Variants in CEP192 observed in about 807,000 individuals in gnomAD.
The protein encoded by CEP192 is centrosomal protein of 192 kDa.
In CEP192, 151 loss-of-function variants were observed where a neutral mutation model predicts 271.8. The observed-to-expected ratio is 0.56, with a 90% CI of 0.49 to 0.64. CEP192 has a LOEUF of 0.64. Ranked by LOEUF, CEP192 falls within the 30% of genes least tolerant of loss-of-function variation. The pLI, the probability that CEP192 is intolerant of heterozygous loss-of-function variation, is 0.00. For synonymous variants in CEP192, 995 were observed against 1,076.5 expected, an observed-to-expected ratio of 0.92 and a Z score of 1.48; for missense variants, 2,910 against 3,020.5, an observed-to-expected ratio of 0.96 and a Z score of 0.86.
chr18:13,023,246 G>A (rs1444663398), intron 9 of CEP192, among the ~76,000 whole-genome samples: 2 of 151,280 alleles, frequency 1.3e-5, no homozygotes, highest in Admixed American at 6.6e-5. Context: ...TTTCCTTTTC[G>A]TGTCTTAATT....
chr18:13,064,153 C>G (rs2037561254), intron 21 of CEP192, among the ~76,000 whole-genome samples: 1 of 151,840 alleles, frequency 6.6e-6, no homozygotes, highest in South Asian at 2.1e-4. Context: ...ATAGTTTGAG[C>G]TGTTAGGTTT....
intron 40 of CEP192, among the ~76,000 whole-genome samples, chr18:13,107,607 TA>T (rs1448067092): frequency 5.9e-5 from 9 of 152,208 alleles, no homozygotes; most frequent in African/African-American, 2.2e-4. Flanking sequence ...AATAAGTACC[TA>T]AATTAATCTC....
intron 44 of CEP192, among the ~76,000 whole-genome samples, chr18:13,121,881 T>C (rs138444348): frequency 6.6e-6 from 1 of 152,360 alleles, no homozygotes; most frequent in East Asian, 1.9e-4. Context: ...CTGCAGTGAC[T>C]TCTCACCCAT....
intron 30 of CEP192, among the ~76,000 whole-genome samples, chr18:13,073,467 T>A (rs2038117681): frequency 6.6e-6 from 1 of 152,250 alleles, no homozygotes; most frequent in African/African-American, 2.4e-5. Context: ...AACACATCTT[T>A]GGGTAAATCC....
chr18:13,081,226 T>C (rs2038589530), intron 30 of CEP192, among the ~76,000 whole-genome samples: 1 of 152,246 alleles, frequency 6.6e-6, no homozygotes, highest in African/African-American at 2.4e-5. Flanking sequence ...TACCAGCTCC[T>C]CTTTGTACCT....
intron 2 of CEP192, chr18:13,000,392 A>C (rs2033567008): frequency 6.6e-6 from 1 of 152,142 alleles, no homozygotes; most frequent in African/African-American, 2.4e-5. Flanking sequence ...CTGTCTCTTG[A>C]TATCTCATGA....
intron 11 of CEP192, among the ~76,000 whole-genome samples, chr18:13,034,612 C>A (rs1479768184): frequency 1.3e-5 from 2 of 151,554 alleles, no homozygotes; most frequent in African/African-American, 4.9e-5. Context: ...TCGAGACCAT[C>A]CTGGCTAACA....
chr18:12,998,151 G>A (rs1165266211), intron 1 of CEP192, among the ~76,000 whole-genome samples: 1 of 151,996 alleles, frequency 6.6e-6, no homozygotes, highest in Non-Finnish European at 1.5e-5. Context: ...CTTTATTACT[G>A]AAGTAGCTCT....
At chr18:13,084,797 T>C (rs1239856682) in intron 30 of CEP192, among the ~76,000 whole-genome samples, 3 of 151,736 alleles carry the variant, frequency 2.0e-5, no homozygotes, top group Non-Finnish European at 4.4e-5. Flanking sequence ...CATGAGATGG[T>C]ATCTCATTGT....
rs1402071149 is a variant in CEP192 at position 13,095,672 on chromosome 18, CCTT to C, written c.6427_6429del (p.Ser2143del). 1 of 1,612,418 alleles carries C rather than the reference CCTT, an allele frequency of 6.2e-7. No individual in the cohort carries two copies. The highest frequency in any genetic ancestry group is 1.3e-5 in the African/African-American group (1 of 74,810). ...ACCCGAGCACTTGATTCTGGTAGCT[CCTT>C]CTCCTTGTGAGTATGTCAACTGTGA... On this transcript the variant is annotated inframe_deletion, in exon 35 of 45. Transcript: ENST00000506447.
Position 13,056,186 on chromosome 18 carries a change from T to A in CEP192, c.3596T>A (p.Ile1199Lys). The A allele has an allele frequency of 3.1e-6, 5 of 1,614,040 alleles. No homozygotes were observed. Among genetic ancestry groups the A allele is most frequent in the Non-Finnish European group, 4.2e-6 (5 of 1,179,962 alleles). Residue 1199 changes from isoleucine to lysine, a missense_variant, in exon 19 of 45, where the codon ATA (isoleucine) becomes AAA (lysine). Coordinates refer to ENST00000506447, the MANE Select transcript of CEP192 (RefSeq NM_032142.4). ...GAGCCTATAGATGAAGATCAAAGAATAAGTCCTAAAGATAAGTCAACTGCT... is the reference window on the plus strand; with the variant it reads ...GAGCCTATAGATGAAGATCAAAGAAAAAGTCCTAAAGATAAGTCAACTGCT... Reference protein sequence around the residue: ...CQEPIDEDQRISPKDKSTAGR... With the variant: ...CQEPIDEDQRKSPKDKSTAGR...
intron 1 of CEP192, among the ~76,000 whole-genome samples, chr18:12,993,256 A>C (rs1310179208): frequency 6.6e-6 from 1 of 152,280 alleles, no homozygotes; most frequent in East Asian, 1.9e-4. Context: ...AACGGCGGGA[A>C]TGAATGGAGG....
chr18:12,993,346 TCG>T (rs2032998197), intron 1 of CEP192, among the ~76,000 whole-genome samples: 2 of 152,168 alleles, frequency 1.3e-5, no homozygotes, highest in Non-Finnish European at 2.9e-5. Context: ...GGAAGTATGG[TCG>T]TTCCCTCAGG....
At chr18:13,090,592 T>C (rs1237124947) in intron 33 of CEP192, among the ~76,000 whole-genome samples, 3 of 152,130 alleles carry the variant, frequency 2.0e-5, no homozygotes, top group Admixed American at 2.0e-4. Context: ...CTGTGAACTT[T>C]TCATTAAGTG....
intron 21 of CEP192, among the ~76,000 whole-genome samples, chr18:13,062,844 T>G (rs1468042557): frequency 6.6e-6 from 1 of 152,214 alleles, no homozygotes; most frequent in Non-Finnish European, 1.5e-5. Context: ...TCTATTTGTT[T>G]AGTACCCATT....
chr18:13,011,226 CA>C (rs200151034), intron 4 of CEP192, among the ~76,000 whole-genome samples: 74,192 of 129,826 alleles, frequency 0.57, 19,445 homozygotes, highest in East Asian at 0.67. Context: ...GACTCTGTCT[CA>C]AAAAAAAAAA....
intron 9 of CEP192, among the ~76,000 whole-genome samples, chr18:13,025,895 G>A (rs1162675271): frequency 1.3e-5 from 2 of 152,050 alleles, no homozygotes; most frequent in East Asian, 3.9e-4. Flanking sequence ...AATGTTATTA[G>A]ACCAGTTAAA....
At chr18:13,100,641 G>A (rs1203742546) in intron 38 of CEP192, 129 bp downstream of exon 38, 12 of 676,920 alleles carry the variant, frequency 1.8e-5, no homozygotes, top group Non-Finnish European at 2.7e-5. Flanking sequence ...GTCATTAGCA[G>A]TCATTTCAAT....
At chr18:13,106,695 C>A (rs1338456101) in intron 40 of CEP192, among the ~76,000 whole-genome samples, 5 of 151,728 alleles carry the variant, frequency 3.3e-5, no homozygotes, top group Non-Finnish European at 5.9e-5. Flanking sequence ...CTCCCACTTA[C>A]AACTACGGTC....
Sources: gnomAD v4.1 joint callset for allele counts (sites outside exome capture counted in the v4.1 genomes callset) on GRCh38, gnomAD v4.1.1 for gene constraint, MANE v1.5 for transcripts, NCBI Gene and HGNC (gene_info 2026-07-23, HGNC 2026-07-21) for gene names.